The following DRC11 variants were observed in gnomAD, a reference collection of about 807,000 sequenced individuals.
DRC11 encodes the protein IQ and AAA domain-containing protein 1.
chr2:236,497,340 A>G, the DRC11 span: 12 of 1,613,950 alleles, frequency 7.4e-6, no homozygotes, highest in Non-Finnish European at 9.3e-6. The surrounding 1 kb of genome is among the most constrained non-coding windows in gnomAD (Gnocchi z 5.1). Flanking sequence ...CTAGGTTTCT[A>G]AAGATCTGCA....
the DRC11 span, among the ~76,000 whole-genome samples, chr2:236,416,061 G>A: frequency 0.2 from 30,466 of 151,946 alleles, 3,325 homozygotes; most frequent in Middle Eastern, 0.29. Flanking sequence ...CTCCCAGATC[G>A]GGTTCCCTGG....
At chr2:236,437,478 A>G in the DRC11 span, among the ~76,000 whole-genome samples, 3 of 151,612 alleles carry the variant, frequency 2.0e-5, no homozygotes, top group Non-Finnish European at 4.4e-5. Flanking sequence ...GGCTGGGTCA[A>G]ATGGTATTTC....
chr2:236,357,716 TTATAATA>T, the DRC11 span, among the ~76,000 whole-genome samples: 1 of 126,144 alleles, frequency 7.9e-6, no homozygotes, highest in Non-Finnish European at 1.5e-5. Flanking sequence ...AAATATGTAT[TTATAATA>T]TATAAATATA....
the DRC11 span, among the ~76,000 whole-genome samples, chr2:236,422,249 A>G: frequency 6.6e-6 from 1 of 152,194 alleles, no homozygotes; most frequent in Non-Finnish European, 1.5e-5. Flanking sequence ...TTCAATTAGG[A>G]AAAGAGGAAG....
the DRC11 span, among the ~76,000 whole-genome samples, chr2:236,379,805 G>A: frequency 5.1e-3 from 396 of 76,970 alleles, 3 homozygotes; most frequent in Admixed American, 7.7e-3. Flanking sequence ...AGGACCAAGG[G>A]AGAGGGGAGG....
the DRC11 span, among the ~76,000 whole-genome samples, chr2:236,405,816 G>A: frequency 6.6e-6 from 1 of 152,166 alleles, no homozygotes; most frequent in Admixed American, 6.5e-5. This position sits in a 1 kb window ranked among gnomAD's most constrained non-coding sequence, Gnocchi z 4.6. Flanking sequence ...TATACAGCAT[G>A]AACATGCTGG....
chr2:236,398,436 A>C, the DRC11 span, among the ~76,000 whole-genome samples: 257 of 152,334 alleles, frequency 1.7e-3, 12 homozygotes, highest in South Asian at 0.047. This position sits in a 1 kb window ranked among gnomAD's most constrained non-coding sequence, Gnocchi z 6.2. Flanking sequence ...GAGTCAATTT[A>C]AAAATACATC....
chr2:236,452,083 C>T, the DRC11 span, among the ~76,000 whole-genome samples: 1 of 152,154 alleles, frequency 6.6e-6, no homozygotes, highest in South Asian at 2.1e-4. This position sits in a 1 kb window ranked among gnomAD's most constrained non-coding sequence, Gnocchi z 4.7. Flanking sequence ...TTCAACATAG[C>T]CATCTGCCTT....
chr2:236,421,493 T>C, the DRC11 span, among the ~76,000 whole-genome samples: 1 of 152,038 alleles, frequency 6.6e-6, no homozygotes, highest in Admixed American at 6.6e-5. Flanking sequence ...ACATACACCC[T>C]CCCAAGACCA....
At chr2:236,492,892 G>C in the DRC11 span, among the ~76,000 whole-genome samples, 1 of 152,248 alleles carries the variant, frequency 6.6e-6, no homozygotes, top group African/African-American at 2.4e-5. Context: ...TCGGGGCACA[G>C]AACTAAATGG....
chr2:236,348,324 C>T, the DRC11 span, among the ~76,000 whole-genome samples: 4 of 152,178 alleles, frequency 2.6e-5, no homozygotes, highest in Non-Finnish European at 5.9e-5. This position sits in a 1 kb window ranked among gnomAD's most constrained non-coding sequence, Gnocchi z 7.4. Context: ...TGGAGCTCGA[C>T]GCTGTACACT....
chr2:236,501,164 A>G, the DRC11 span, among the ~76,000 whole-genome samples: 1 of 152,154 alleles, frequency 6.6e-6, no homozygotes, highest in Non-Finnish European at 1.5e-5. Flanking sequence ...GAGCAAGAGG[A>G]AGGTGGGGAG....
the DRC11 span, among the ~76,000 whole-genome samples, chr2:236,335,238 T>C: frequency 6.6e-6 from 1 of 152,204 alleles, no homozygotes; most frequent in Non-Finnish European, 1.5e-5. The surrounding 1 kb of genome is among the most constrained non-coding windows in gnomAD (Gnocchi z 5.6). Flanking sequence ...TGGAAGATAC[T>C]ACTTTTGATA....
the DRC11 span, among the ~76,000 whole-genome samples, chr2:236,477,585 AT>A: frequency 6.6e-6 from 1 of 151,938 alleles, no homozygotes; most frequent in Non-Finnish European, 1.5e-5. Context: ...CTTCTCCTTA[AT>A]TTTTTTTAAT....
chr2:236,366,535 C>A, the DRC11 span, among the ~76,000 whole-genome samples: 9 of 152,198 alleles, frequency 5.9e-5, no homozygotes, highest in Admixed American at 6.5e-5. Flanking sequence ...AATGCCCCAG[C>A]CAGCTCTGCT....
the DRC11 span, among the ~76,000 whole-genome samples, chr2:236,486,052 A>G: frequency 6.6e-6 from 1 of 152,198 alleles, no homozygotes; most frequent in African/African-American, 2.4e-5. The surrounding 1 kb of genome is among the most constrained non-coding windows in gnomAD (Gnocchi z 5.7). Context: ...GATCATTTGC[A>G]TAAGATTCTG....
chr2:236,395,693 A>G, the DRC11 span, among the ~76,000 whole-genome samples: 2 of 152,246 alleles, frequency 1.3e-5, no homozygotes, highest in African/African-American at 4.8e-5. Context: ...TAAAATTGTA[A>G]GCATTCTCCT....
At chr2:236,343,477 G>A in the DRC11 span, among the ~76,000 whole-genome samples, 1 of 152,222 alleles carries the variant, frequency 6.6e-6, no homozygotes, top group Non-Finnish European at 1.5e-5. This position sits in a 1 kb window ranked among gnomAD's most constrained non-coding sequence, Gnocchi z 6.6. Context: ...AGGACACACA[G>A]CCAGCTGTGT....
chr2:236,324,586 A>G, the DRC11 span: 1 of 714,382 alleles, frequency 1.4e-6, no homozygotes, highest in South Asian at 1.7e-5. This position sits in a 1 kb window ranked among gnomAD's most constrained non-coding sequence, Gnocchi z 5.7. Flanking sequence ...GCAATGGTGA[A>G]TCTTTTCTTT....
Sources: gnomAD v4.1 joint callset for allele counts (sites outside exome capture counted in the v4.1 genomes callset) on GRCh38, gnomAD v4.1.1 for gene constraint, Gnocchi (gnomAD v3.1) non-coding constraint, MANE v1.5 for transcripts, NCBI Gene and HGNC (gene_info 2026-07-23, HGNC 2026-07-21) for gene names.